CAMK2D: variants seen among roughly 807,000 people sequenced by gnomAD.
CAMK2D encodes the protein calcium/calmodulin-dependent protein kinase type II subunit delta.
Under a neutral mutation model 84.0 loss-of-function variants are expected in CAMK2D, and 37 were observed. That is an observed-to-expected ratio of 0.44 (90% confidence interval 0.34 to 0.58). The LOEUF (loss-of-function observed/expected upper bound fraction) is 0.58. Among genes scored for constraint, CAMK2D ranks in the 20% least tolerant of loss-of-function variants. CAMK2D has a pLI of 0.02. For missense variants in CAMK2D, 448 were observed against 652.5 expected (o/e 0.69, Z 3.41); for synonymous variants, 202 against 212.5 (o/e 0.95, Z 0.43).
intron 16 of CAMK2D, among the ~76,000 whole-genome samples, chr4:113,489,002 A>G (rs1181673295): frequency 6.6e-6 from 1 of 152,182 alleles, no homozygotes; most frequent in East Asian, 1.9e-4. Context: ...AAAATAGAAG[A>G]AATATATAAA....
In CAMK2D at chr4:113,500,322, AT is replaced by A. The variant is rs2098017444; in HGVS notation, c.1135+140del. ...GAAATAATTATGTACTTATAAAAATATTTTTTACTCATAAATAAAATATTTT... is the reference window on the plus strand; with the variant it reads ...GAAATAATTATGTACTTATAAAAATATTTTTACTCATAAATAAAATATTTT... On this transcript the variant is annotated intron_variant, in intron 16 of 20. Coordinates refer to ENST00000511664, the MANE Select transcript of CAMK2D (RefSeq NM_001321571.2). The A allele has an allele frequency of 1.6e-5, 8 of 496,974 alleles. No homozygotes were observed. The South Asian group carries it at 3.0e-4, about 18-fold the overall frequency. The allele number at this position is 496,974 out of a possible 1,614,324, so 30.8% of individuals were successfully genotyped here. A position where few individuals can be genotyped will look rare whatever the true frequency, so the allele number is the denominator to read the frequency against.
At chr4:113,512,859 C>T (rs112370250) in intron 12 of CAMK2D, among the ~76,000 whole-genome samples, 4,334 of 152,282 alleles carry the variant, frequency 0.028, 210 homozygotes, top group African/African-American at 0.096. Context: ...GCGTGAGCCA[C>T]CACGCCCGGC....
chr4:113,648,864 G>A (rs944041746), intron 3 of CAMK2D, among the ~76,000 whole-genome samples: 3 of 152,102 alleles, frequency 2.0e-5, no homozygotes, highest in Non-Finnish European at 4.4e-5. Flanking sequence ...TGGCATTTGC[G>A]ACTTCTAGTC....
At chr4:113,585,911 G>C (rs2098832294) in intron 4 of CAMK2D, among the ~76,000 whole-genome samples, 1 of 152,148 alleles carries the variant, frequency 6.6e-6, no homozygotes, top group African/African-American at 2.4e-5. Context: ...TATATGCCTT[G>C]TTGCTATTCA....
intron 2 of CAMK2D, among the ~76,000 whole-genome samples, chr4:113,671,989 A>T (rs933885925): frequency 1.3e-5 from 2 of 152,192 alleles, no homozygotes; most frequent in African/African-American, 4.8e-5. Flanking sequence ...AGAACCTCCC[A>T]GATTGCATAC....
At chr4:113,604,375 C>A (rs997296664) in intron 4 of CAMK2D, among the ~76,000 whole-genome samples, 3 of 152,116 alleles carry the variant, frequency 2.0e-5, no homozygotes, top group African/African-American at 7.2e-5. Flanking sequence ...ACACTTATAT[C>A]TGTTATGCTC....
intron 2 of CAMK2D, among the ~76,000 whole-genome samples, chr4:113,673,358 T>C (rs1405865142): frequency 1.3e-5 from 2 of 152,150 alleles, no homozygotes; most frequent in Admixed American, 6.5e-5. Flanking sequence ...CTTCCAACAA[T>C]TGCAAGAAAA....
chr4:113,585,870 TG>T (rs2098832029), intron 4 of CAMK2D, among the ~76,000 whole-genome samples: 1 of 152,084 alleles, frequency 6.6e-6, no homozygotes, highest in African/African-American at 2.4e-5. Context: ...TGGAAGTAAT[TG>T]TGTTTAAGAA....
At chr4:113,476,657 TAAGC>T (rs1193679763) in intron 16 of CAMK2D, among the ~76,000 whole-genome samples, 1 of 152,210 alleles carries the variant, frequency 6.6e-6, no homozygotes, top group African/African-American at 2.4e-5. Context: ...TATGAATAGT[TAAGC>T]AATAACCAGC....
At chr4:113,628,227 C>T (rs972063587) in intron 3 of CAMK2D, among the ~76,000 whole-genome samples, 1 of 152,058 alleles carries the variant, frequency 6.6e-6, no homozygotes, top group Non-Finnish European at 1.5e-5. Flanking sequence ...ATAAACACTA[C>T]TAAAAGAGTA....
chr4:113,531,151 T>G (rs532174163), intron 8 of CAMK2D, 65 bp downstream of exon 8: 1 of 816,250 alleles, frequency 1.2e-6, no homozygotes, highest in African/African-American at 1.7e-5. Context: ...CAGATTGTTA[T>G]AGCAGACCAA....
intron 16 of CAMK2D, among the ~76,000 whole-genome samples, chr4:113,496,308 A>G (rs2097929759): frequency 1.3e-5 from 2 of 152,174 alleles, no homozygotes; most frequent in African/African-American, 4.8e-5. Context: ...TATTTCAACA[A>G]TTTTTGGCCT....
chr4:113,761,434 T>A lies in CAMK2D; in HGVS notation c.-366A>T, dbSNP rs913429170. The A allele has an allele frequency of 7.6e-6, 9 of 1,184,196 alleles. No homozygotes were observed. Among genetic ancestry groups the A allele is most frequent in the African/African-American group, 1.6e-5 (1 of 63,128 alleles). The allele number at this position is 1,184,196 out of a possible 1,614,324, so 73.4% of individuals were successfully genotyped here. On this transcript the variant is annotated 5_prime_UTR_variant, in exon 1 of 21. Coordinates refer to ENST00000511664, the MANE Select transcript of CAMK2D (RefSeq NM_001321571.2). ...GAAAAACAGCCAGGCACGGGACGAG[T>A]GGCAAGCAGTTGCGAAACGATCCGC... is the stretch of plus-strand genomic sequence containing the variant.
At chr4:113,637,769 AT>A (rs538927817) in intron 3 of CAMK2D, among the ~76,000 whole-genome samples, 510 of 151,476 alleles carry the variant, frequency 3.4e-3, no homozygotes, top group Non-Finnish European at 6.2e-3. Flanking sequence ...AAAAGTACAC[AT>A]TTTTTTTTAA....
intron 2 of CAMK2D, among the ~76,000 whole-genome samples, chr4:113,757,336 A>G (rs2099630682): frequency 6.6e-6 from 1 of 152,072 alleles, no homozygotes; most frequent in South Asian, 2.1e-4. Flanking sequence ...CATTCATTCC[A>G]CACAAAACCC....
In CAMK2D at chr4:113,462,334, G is replaced by GTCTA. The variant is rs1164998007; in HGVS notation, c.1212-2094_1212-2093insTAGA. 3.1e-3 allele frequency among the ~76,000 whole-genome samples: 400 copies of GTCTA among 129,762 alleles called. 1 individual carries two copies. Among genetic ancestry groups the GTCTA allele is most frequent in the East Asian group, 3.9e-3 (17 of 4,356 alleles). 85.1% of individuals were successfully genotyped at this position (129,762 alleles called of 152,430 possible). On this transcript the variant is annotated intron_variant, in intron 17 of 20. Coordinates refer to ENST00000511664, the MANE Select transcript of CAMK2D (RefSeq NM_001321571.2). ...TGTCTGTCTGTCTGTCTGTCTGTCT[G>GTCTA]TCTGTCTATCTATCTATCTATCTAT... is the stretch of plus-strand genomic sequence containing the variant.
intron 3 of CAMK2D, among the ~76,000 whole-genome samples, chr4:113,634,079 A>G (rs767904701): frequency 1.3e-5 from 2 of 152,242 alleles, no homozygotes; most frequent in Non-Finnish European, 2.9e-5. Context: ...AGTAGATGGC[A>G]TAGTCCAATC....
chr4:113,688,910 C>CAAAAAA (rs34196728), intron 2 of CAMK2D, among the ~76,000 whole-genome samples: 6 of 49,704 alleles, frequency 1.2e-4, no homozygotes, highest in Non-Finnish European at 1.9e-4. Context: ...AAAGAAGATG[C>CAAAAAA]AAAAAAAAAA....
Position 113,499,425 on chromosome 4 carries a change from G to A in CAMK2D, c.1135+1038C>T, listed in dbSNP as rs147494419. ...CAAAAAGGAAAAAGTCAGCAGAGCT[G>A]ACTGCCAAGTTGTGATCTACAGCCA... On this transcript the variant is annotated intron_variant, in intron 16 of 20. Coordinates refer to ENST00000511664, the MANE Select transcript of CAMK2D (RefSeq NM_001321571.2). Among the ~76,000 whole-genome samples, 537 of 152,276 alleles carry A rather than the reference G, an allele frequency of 3.5e-3. 3 individuals carry two copies. The highest frequency in any genetic ancestry group is 0.012 in the African/African-American group (518 of 41,570).
Sources: allele counts gnomAD v4.1 joint callset (sites outside exome capture counted in the v4.1 genomes callset), GRCh38; gene constraint gnomAD v4.1.1; transcripts MANE v1.5; gene names NCBI Gene and HGNC (gene_info 2026-07-23, HGNC 2026-07-21).